The following ADGRB3 variants were observed in gnomAD, a reference collection of about 807,000 sequenced individuals.
ADGRB3 encodes brain-specific angiogenesis inhibitor 3.
ADGRB3 carries 37 observed loss-of-function variants against 193.4 expected under a neutral mutation model. The ratio of observed to expected loss-of-function variants is 0.19; its 90% confidence interval spans 0.15 to 0.25. The LOEUF (loss-of-function observed/expected upper bound fraction) is 0.25. Among genes scored for constraint, ADGRB3 ranks in the 10% least tolerant of loss-of-function variants. The pLI is 1.00. For synonymous variants in ADGRB3, 690 were observed against 644.2 expected, an observed-to-expected ratio of 1.07 and a Z score of -1.08; for missense variants, 1,637 against 1,852.9, an observed-to-expected ratio of 0.88 and a Z score of 2.14.
intron 2 of ADGRB3, among the ~76,000 whole-genome samples, chr6:68,638,050 A>G (rs535874052): frequency 1.3e-5 from 2 of 152,230 alleles, no homozygotes; most frequent in African/African-American, 4.8e-5. Context: ...AGCAGTTCAC[A>G]TGGTGGCCCC....
At chr6:68,697,358 A>G (rs550668449) in intron 3 of ADGRB3, among the ~76,000 whole-genome samples, 2 of 151,928 alleles carry the variant, frequency 1.3e-5, no homozygotes, top group African/African-American at 2.4e-5. Flanking sequence ...ATCAATGCTT[A>G]TAATACTAGT....
intron 3 of ADGRB3, among the ~76,000 whole-genome samples, chr6:68,855,090 A>G (rs569659551): frequency 2.0e-5 from 3 of 152,226 alleles, no homozygotes; most frequent in Non-Finnish European, 4.4e-5. Flanking sequence ...AGCTTCTTCC[A>G]GGCCTAAGTC....
At chr6:69,098,124 C>T (rs1562158249) in intron 17 of ADGRB3, among the ~76,000 whole-genome samples, 1 of 152,130 alleles carries the variant, frequency 6.6e-6, no homozygotes, top group Non-Finnish European at 1.5e-5. Context: ...AATAGTGCAG[C>T]TTACCTGAGT....
chr6:68,713,666 A>G (rs1195301051), intron 3 of ADGRB3, among the ~76,000 whole-genome samples: 1 of 150,674 alleles, frequency 6.6e-6, no homozygotes, highest in Non-Finnish European at 1.5e-5. Context: ...TTGCCCCTAC[A>G]TTGTAACCTC....
chr6:69,133,480 C>A (rs903339210), intron 17 of ADGRB3, among the ~76,000 whole-genome samples: 1 of 151,920 alleles, frequency 6.6e-6, no homozygotes, highest in Non-Finnish European at 1.5e-5. Context: ...TAATTAATAG[C>A]CTACCAACCA....
intron 17 of ADGRB3, among the ~76,000 whole-genome samples, chr6:69,120,258 G>T (rs1773646967): frequency 1.3e-5 from 2 of 152,322 alleles, no homozygotes; most frequent in South Asian, 4.2e-4. Context: ...CCCTGAATCA[G>T]CAGCATGAGC....
At chr6:68,897,499 G>A (rs112174957) in intron 3 of ADGRB3, among the ~76,000 whole-genome samples, 3 of 11,576 alleles carry the variant, frequency 2.6e-4, no homozygotes, top group East Asian at 7.8e-4. Context: ...GGGAGGGAGG[G>A]AAGAGGAAGG....
At chr6:68,944,283 A>T (rs1344473611) in intron 6 of ADGRB3, among the ~76,000 whole-genome samples, 2 of 152,256 alleles carry the variant, frequency 1.3e-5, no homozygotes, top group Admixed American at 6.5e-5. Flanking sequence ...TCCTTCTGGG[A>T]AAATTACAAG....
chr6:69,043,991 A>C (rs1292761331), intron 13 of ADGRB3, among the ~76,000 whole-genome samples: 1 of 152,172 alleles, frequency 6.6e-6, no homozygotes, highest in Non-Finnish European at 1.5e-5. Context: ...CAGTGAGGTG[A>C]GATGGCGCCA....
intron 11 of ADGRB3, among the ~76,000 whole-genome samples, chr6:69,006,356 C>G (rs948571466): frequency 2.0e-5 from 3 of 151,900 alleles, no homozygotes; most frequent in Non-Finnish European, 4.4e-5. Context: ...TAGGTTGATG[C>G]AAAAGTAATT....
intron 17 of ADGRB3, among the ~76,000 whole-genome samples, chr6:69,092,898 CTTG>C (rs1197039346): frequency 1.3e-5 from 2 of 152,072 alleles, no homozygotes; most frequent in Non-Finnish European, 2.9e-5. Flanking sequence ...GAGCACTTAC[CTTG>C]TTGAGAAAGG....
chr6:68,824,014 G>A (rs986028875), intron 3 of ADGRB3, among the ~76,000 whole-genome samples: 10 of 152,012 alleles, frequency 6.6e-5, no homozygotes, highest in African/African-American at 1.9e-4. Context: ...TACGTGCATC[G>A]CTGTGGAATT....
At chr6:68,839,607 A>T (rs1304960890) in intron 3 of ADGRB3, among the ~76,000 whole-genome samples, 3 of 152,070 alleles carry the variant, frequency 2.0e-5, no homozygotes, top group Non-Finnish European at 2.9e-5. Flanking sequence ...TCTGCTCCTC[A>T]CTGGCCATTA....
intron 3 of ADGRB3, among the ~76,000 whole-genome samples, chr6:68,717,856 TG>T (rs1183809859): frequency 6.6e-6 from 1 of 151,586 alleles, no homozygotes; most frequent in Non-Finnish European, 1.5e-5. Flanking sequence ...GTGAGAACAA[TG>T]AAAAGAAATT....
At chr6:69,040,675 CAAAAAAAAAAAAAAA>C (rs869146684) in intron 13 of ADGRB3, among the ~76,000 whole-genome samples, 13 of 19,524 alleles carry the variant, frequency 6.7e-4, no homozygotes, top group Middle Eastern at 0.036. Flanking sequence ...GACTGATGGA[CAAAAAAAAAAAAAAA>C]AAAAAAAAAA....
chr6:69,384,471 CT>C (rs978047150), intron 31 of ADGRB3, among the ~76,000 whole-genome samples: 1 of 151,956 alleles, frequency 6.6e-6, no homozygotes, highest in Non-Finnish European at 1.5e-5. Flanking sequence ...ATTGAAGAAA[CT>C]TCATTACTTA....
At chr6:69,031,586 CTCTT>C (rs1335104240) in intron 13 of ADGRB3, among the ~76,000 whole-genome samples, 4 of 5,764 alleles carry the variant, frequency 6.9e-4, no homozygotes, top group Admixed American at 3.0e-3. Context: ...GTCTCTGTCT[CTCTT>C]TCTTTCTTCT....
At chr6:68,955,040 C>A (rs531832509) in intron 6 of ADGRB3, among the ~76,000 whole-genome samples, 1 of 152,196 alleles carries the variant, frequency 6.6e-6, no homozygotes, top group South Asian at 2.1e-4. Flanking sequence ...CATAATCTAG[C>A]CTCTCTCTTT....
chr6:69,045,078 ATTCAC>A (rs1202757773), intron 13 of ADGRB3, among the ~76,000 whole-genome samples: 4 of 152,170 alleles, frequency 2.6e-5, no homozygotes, highest in African/African-American at 9.6e-5. Context: ...CCTCTTTTGT[ATTCAC>A]TTAACATATG....
Sources: gnomAD v4.1 joint callset for allele counts (sites outside exome capture counted in the v4.1 genomes callset) on GRCh38, gnomAD v4.1.1 for gene constraint, MANE v1.5 for transcripts, NCBI Gene and HGNC (gene_info 2026-07-23, HGNC 2026-07-21) for gene names.